Variants in PDE1C observed in about 807,000 individuals in gnomAD.
PDE1C encodes the protein phosphodiesterase 1C.
In PDE1C, 62 loss-of-function variants were observed where a neutral mutation model predicts 93.1. The observed-to-expected ratio is 0.67, with a 90% CI of 0.54 to 0.82. The LOEUF (loss-of-function observed/expected upper bound fraction) is 0.82, where lower values mean the gene tolerates loss of function less well. Among genes scored for constraint, PDE1C ranks in the 40% least tolerant of loss-of-function variants. The probability of loss-of-function intolerance (pLI) is 0.00; values close to 1 mark genes in which losing one functional copy is unlikely to be tolerated. For missense variants in PDE1C, 742 were observed against 884.6 expected (o/e 0.84, Z 2.04); for synonymous variants, 325 against 310.1 (o/e 1.05, Z -0.50).
chr7:32,336,386 A>ACTTATTTG (rs1216706253), intron 1 of PDE1C, among the ~76,000 whole-genome samples: 1 of 152,194 alleles, frequency 6.6e-6, no homozygotes, highest in Non-Finnish European at 1.5e-5. Context: ...TTGTTTATAC[A>ACTTATTTG]CTTATTTGAA....
intron 16 of PDE1C, among the ~76,000 whole-genome samples, chr7:31,783,064 A>G (rs1783555646): frequency 6.6e-6 from 1 of 152,218 alleles, no homozygotes; most frequent in Non-Finnish European, 1.5e-5. Flanking sequence ...TGCATTCCCT[A>G]GTCAGACTCC....
the PDE1C span, among the ~76,000 whole-genome samples, chr7:31,735,361 G>T: frequency 6.6e-6 from 1 of 150,434 alleles, no homozygotes; most frequent in Non-Finnish European, 1.5e-5. Flanking sequence ...TCATGCCATT[G>T]CACTCCAGCC....
intron 1 of PDE1C, among the ~76,000 whole-genome samples, chr7:32,369,614 G>A (rs1320895558): frequency 6.6e-6 from 1 of 152,170 alleles, no homozygotes; most frequent in Admixed American, 6.5e-5. Context: ...ATTACCATAT[G>A]ATTCAGCTAT....
chr7:32,012,570 C>T (rs1428492835), intron 2 of PDE1C, among the ~76,000 whole-genome samples: 1 of 152,090 alleles, frequency 6.6e-6, no homozygotes, highest in Non-Finnish European at 1.5e-5. Flanking sequence ...AAATAATTGA[C>T]AGTGCTGGAA....
intron 1 of PDE1C, among the ~76,000 whole-genome samples, chr7:32,367,178 C>T (rs1245971593): frequency 2.6e-5 from 4 of 152,144 alleles, no homozygotes. Flanking sequence ...ACAGGGAATG[C>T]TCAAGGGAGT....
chr7:32,199,341 A>C (rs1381800245), intron 2 of PDE1C, among the ~76,000 whole-genome samples: 1 of 152,048 alleles, frequency 6.6e-6, no homozygotes. Flanking sequence ...AATTCTGAAA[A>C]ATTCTCAGCC....
chr7:32,359,730 T>C (rs1784099410), intron 1 of PDE1C, among the ~76,000 whole-genome samples: 1 of 152,226 alleles, frequency 6.6e-6, no homozygotes, highest in African/African-American at 2.4e-5. Flanking sequence ...CAAATCATTG[T>C]GGTCTCTTCT....
At chr7:32,140,098 C>G (rs1255705300) in intron 3 of PDE1C, among the ~76,000 whole-genome samples, 1 of 152,198 alleles carries the variant, frequency 6.6e-6, no homozygotes, top group East Asian at 1.9e-4. Context: ...TTTTCTGTTA[C>G]TTGTGCCCAA....
chr7:32,365,325 C>A (rs1784209820), intron 1 of PDE1C, among the ~76,000 whole-genome samples: 1 of 152,166 alleles, frequency 6.6e-6, no homozygotes, highest in Non-Finnish European at 1.5e-5. Flanking sequence ...TGTAGGCCAC[C>A]TCCAGCAGAC....
intron 3 of PDE1C, among the ~76,000 whole-genome samples, chr7:32,164,082 G>A (rs933116769): frequency 2.0e-5 from 3 of 152,238 alleles, no homozygotes; most frequent in African/African-American, 7.2e-5. Context: ...CAAAGCCCAT[G>A]TCTCACCACT....
At chr7:32,169,039 A>C (rs1802480074) in intron 3 of PDE1C, among the ~76,000 whole-genome samples, 2 of 152,190 alleles carry the variant, frequency 1.3e-5, no homozygotes, top group Non-Finnish European at 2.9e-5. Flanking sequence ...GAGGGGCAGA[A>C]GGCAATCTGG....
intron 7 of PDE1C, 25 bp downstream of exon 7, chr7:31,864,917 C>T (rs781675368): frequency 1.2e-6 from 2 of 1,607,374 alleles, no homozygotes. Flanking sequence ...TTTTGGGGAA[C>T]CTAAGAGTTC....
At chr7:32,261,955 A>G (rs893483532) in intron 1 of PDE1C, among the ~76,000 whole-genome samples, 1 of 150,884 alleles carries the variant, frequency 6.6e-6, no homozygotes, top group Admixed American at 6.6e-5. Context: ...ATTTACAAAC[A>G]TGGTGTGCTG....
At chr7:31,881,699 T>C (rs1317713678) in intron 2 of PDE1C, among the ~76,000 whole-genome samples, 2 of 152,218 alleles carry the variant, frequency 1.3e-5, no homozygotes, top group Non-Finnish European at 2.9e-5. Context: ...TGAAGCTCAC[T>C]TCATAACTTA....
At chr7:32,138,885 GA>G (rs1351125385) in intron 3 of PDE1C, among the ~76,000 whole-genome samples, 1 of 151,956 alleles carries the variant, frequency 6.6e-6, no homozygotes, top group Non-Finnish European at 1.5e-5. Flanking sequence ...CACTTCCTCA[GA>G]ATTTTTTAAT....
chr7:31,768,871 C>T lies in PDE1C; in HGVS notation c.1960+6793G>A, dbSNP rs142213327. 8.9e-3 allele frequency among the ~76,000 whole-genome samples: 1,350 copies of T among 152,222 alleles called. 27 individuals carry two copies. Among genetic ancestry groups the T allele is most frequent in the African/African-American group, 0.031 (1,296 of 41,532 alleles). The stretch of plus-strand genomic sequence containing the variant: ...AGTTCAATGGTACAATCTCAGCTCA[C>T]TCCAACCTCCGCCTCCCAGGTTCAA... On this transcript the variant is annotated intron_variant, in intron 17 of 17. Transcript: ENST00000396191.
chr7:31,730,668 G>A, the PDE1C span, among the ~76,000 whole-genome samples: 1 of 152,140 alleles, frequency 6.6e-6, no homozygotes, highest in East Asian at 1.9e-4. Flanking sequence ...AGATATAGAG[G>A]TTGAGTCGTT....
At chr7:31,729,692 A>T in the PDE1C span, among the ~76,000 whole-genome samples, 1 of 152,200 alleles carries the variant, frequency 6.6e-6, no homozygotes, top group Non-Finnish European at 1.5e-5. Flanking sequence ...TTGTAAGCTT[A>T]GTCCAGTAAG....
At chr7:32,159,211 A>G (rs1450603265) in intron 3 of PDE1C, among the ~76,000 whole-genome samples, 4 of 152,214 alleles carry the variant, frequency 2.6e-5, no homozygotes, top group Non-Finnish European at 5.9e-5. Flanking sequence ...GTATGCACTG[A>G]GCACATGAAT....
Sources: gnomAD v4.1 joint callset for allele counts (sites outside exome capture counted in the v4.1 genomes callset) on GRCh38, gnomAD v4.1.1 for gene constraint, MANE v1.5 for transcripts, NCBI Gene and HGNC (gene_info 2026-07-23, HGNC 2026-07-21) for gene names.